The following DOCK5 variants were observed in gnomAD, a reference collection of about 807,000 sequenced individuals.
DOCK5 encodes dedicator of cytokinesis protein 5.
In DOCK5, 142 loss-of-function variants were observed where a neutral mutation model predicts 251.8. The observed-to-expected ratio is 0.56, with a 90% CI of 0.49 to 0.65. DOCK5 has a LOEUF of 0.65. DOCK5 is among the 30% of genes least tolerant of loss of function. The pLI is 0.00. For missense variants in DOCK5, 2,111 were observed against 2,312.3 expected (o/e 0.91, Z 1.79); for synonymous variants, 842 against 835.5 (o/e 1.01, Z -0.13).
chr8:25,302,349 C>A lies in DOCK5; in HGVS notation c.871C>A (p.Arg291=). The change falls in exon 10 of 52, where the codon CGG becomes AGG. Residue 291 remains arginine (R), a synonymous_variant. Transcript: ENST00000276440. ...GGACCTTAGCAGCATGGACCTCATC[C>A]GGCCCCGCGTCAGCCTTGTGTGCCA... ...FTDLSSMDLI[R]PRVSLVCQIV... 1.9e-6 allele frequency: 3 copies of A among 1,612,764 alleles called. No individual in the cohort carries two copies. Among genetic ancestry groups the A allele is most frequent in the Non-Finnish European group, 2.5e-6 (3 of 1,179,326 alleles).
At chr8:25,206,561 T>C (rs1203273325) in intron 1 of DOCK5, among the ~76,000 whole-genome samples, 7 of 152,160 alleles carry the variant, frequency 4.6e-5, no homozygotes, top group Non-Finnish European at 1.0e-4. Context: ...GGCTAGTTCC[T>C]ACATGACAAA....
intron 22 of DOCK5, 46 bp downstream of exon 22, chr8:25,336,419 C>G (rs1417733989): frequency 1.9e-6 from 3 of 1,600,648 alleles, no homozygotes; most frequent in East Asian, 2.2e-5. Flanking sequence ...AGCTGTCACT[C>G]TGTGTGCTTT....
intron 11 of DOCK5, among the ~76,000 whole-genome samples, chr8:25,306,493 T>C (rs1302659284): frequency 1.3e-5 from 2 of 151,964 alleles, no homozygotes; most frequent in East Asian, 1.9e-4. Flanking sequence ...GATCACAAGG[T>C]CAGGAGATCG....
intron 40 of DOCK5, among the ~76,000 whole-genome samples, chr8:25,387,696 C>T (rs989859263): frequency 3.9e-5 from 6 of 152,226 alleles, no homozygotes; most frequent in Non-Finnish European, 7.3e-5. Context: ...TTCTTCCAGT[C>T]CAAGCTCATT....
chr8:25,271,822 A>G (rs1196211653), intron 3 of DOCK5, among the ~76,000 whole-genome samples: 1 of 152,072 alleles, frequency 6.6e-6, no homozygotes, highest in Admixed American at 6.6e-5. Context: ...ACCTAGGTTT[A>G]CTCTGACTTT....
chr8:25,213,257 G>A (rs941872424), intron 1 of DOCK5, among the ~76,000 whole-genome samples: 25 of 151,482 alleles, frequency 1.7e-4, no homozygotes, highest in African/African-American at 6.1e-4. Flanking sequence ...AGGATGGGCC[G>A]CAGTGACTTC....
intron 17 of DOCK5, among the ~76,000 whole-genome samples, chr8:25,324,833 T>TC (rs1157742500): frequency 7.2e-6 from 1 of 139,698 alleles, no homozygotes; most frequent in Non-Finnish European, 1.5e-5. Flanking sequence ...TGTGTGATGT[T>TC]CCCCTTCCTG....
chr8:25,225,168 T>C (rs77128480), intron 1 of DOCK5, among the ~76,000 whole-genome samples: 13,766 of 152,238 alleles, frequency 0.09, 1,725 homozygotes, highest in African/African-American at 0.29. Context: ...AATGGTGCAG[T>C]CCCTATGGAA....
At position 25,372,635 on chromosome 8, in the gene DOCK5, T is replaced by C. The variant is rs1375738548; in HGVS notation, c.3601T>C (p.Leu1201=). 1 of 1,609,664 alleles carries C rather than the reference T, an allele frequency of 6.2e-7. No individual in the cohort carries two copies. Among genetic ancestry groups the C allele is most frequent in the East Asian group, 2.2e-5 (1 of 44,712 alleles). Residue 1201 remains leucine (L), a synonymous_variant, in exon 35 of 52, where the codon TTA becomes CTA. Transcript: ENST00000276440. The part of the protein sequence containing the change: ...EVFALLVSSL[L]ENLLDYRTII... ...CTTCGCCCTCCTGGTCAGCAGCCTC[T>C]TAGAGAACCTGCTGGACTATAGAAC...
chr8:25,287,502 A>C (rs1019221755), intron 5 of DOCK5, among the ~76,000 whole-genome samples: 2 of 152,190 alleles, frequency 1.3e-5, no homozygotes, highest in African/African-American at 4.8e-5. Context: ...CAAGTAGAAG[A>C]GGGAGAAATT....
intron 5 of DOCK5, among the ~76,000 whole-genome samples, chr8:25,288,712 A>C (rs1804407483): frequency 6.6e-6 from 1 of 152,252 alleles, no homozygotes; most frequent in African/African-American, 2.4e-5. Context: ...GCAGTTTTGA[A>C]AAGCAAAAAC....
At chr8:25,202,902 T>C (rs1257077776) in intron 1 of DOCK5, among the ~76,000 whole-genome samples, 1 of 152,214 alleles carries the variant, frequency 6.6e-6, no homozygotes, top group African/African-American at 2.4e-5. Flanking sequence ...TTTTATTTAA[T>C]ATTTTTGGAC....
In DOCK5 at chr8:25,390,152, T is replaced by C. The variant is rs1028678056; in HGVS notation, c.4274-54T>C. ...AAGCAGGAGGAACAGGGGTGTTTGG[T>C]GTCTGACACCTTCACGACCCCAGCC... On this transcript the variant is annotated intron_variant, in intron 41 of 51. Transcript: ENST00000276440. 2.7e-6 allele frequency: 4 copies of C among 1,471,804 alleles called. No individual in the cohort carries two copies. In the Admixed American group the frequency reaches 8.5e-5, roughly 31 times the overall value. The allele number at this position is 1,471,804 out of a possible 1,614,324, so 91.2% of individuals were successfully genotyped here.
chr8:25,411,196 C>A lies in DOCK5; in HGVS notation c.5511C>A (p.Leu1837=). ...ATTTTGTGTTTCTGCTTCTGCAGCTCGCTCCCCCACTGCCTGTCCGAAGAG... is the reference window on the plus strand; with the variant it reads ...ATTTTGTGTTTCTGCTTCTGCAGCTAGCTCCCCCACTGCCTGTCCGAAGAG... ...YEGSQRNSTE[L]APPLPVRREA... is the part of the protein sequence containing the mutation. The change falls in exon 52 of 52, where the codon CTC becomes CTA. Residue 1837 remains leucine (L), a splice_region_variant and synonymous_variant. Coordinates refer to ENST00000276440, the MANE Select transcript of DOCK5 (RefSeq NM_024940.8). 1 of 1,563,976 alleles carries A rather than the reference C, an allele frequency of 6.4e-7. No individual in the cohort carries two copies. The highest frequency in any genetic ancestry group is 1.9e-5 in the Admixed American group (1 of 52,552).
chr8:25,217,338 C>T lies in DOCK5; in HGVS notation c.44-26336C>T, dbSNP rs182409958. 7.0e-3 allele frequency among the ~76,000 whole-genome samples: 1,056 copies of T among 151,798 alleles called. 14 individuals are homozygous for T. The highest frequency in any genetic ancestry group is 7.8e-3 in the Non-Finnish European group (529 of 67,922). ...TTTTTAAAACTAGTTTGTATTTAAA[C>T]AATTAATTATACTGATGATCTCTGG... On this transcript the variant is annotated intron_variant, in intron 1 of 51. Transcript: ENST00000276440.
At chr8:25,346,667 T>C (rs1800373842) in intron 26 of DOCK5, among the ~76,000 whole-genome samples, 1 of 126,538 alleles carries the variant, frequency 7.9e-6, no homozygotes, top group South Asian at 2.9e-4. Flanking sequence ...CTACTAAAAA[T>C]ACCAAAATTA....
chr8:25,185,545 G>C lies in DOCK5; in HGVS notation c.43+594G>C, dbSNP rs1436516223. 2.0e-5 allele frequency among the ~76,000 whole-genome samples: 3 copies of C among 152,158 alleles called. No homozygotes were observed. In the East Asian group the frequency reaches 5.8e-4, roughly 29 times the overall value. On this transcript the variant is annotated intron_variant, in intron 1 of 51. Transcript: ENST00000276440. ...AGTGATGGAAGGGACAGGAAGTTGT[G>C]GCACGGGAAGGGGGTGGCTGGCCCC...
chr8:25,242,588 G>C (rs1050736864), intron 1 of DOCK5, among the ~76,000 whole-genome samples: 1 of 152,110 alleles, frequency 6.6e-6, no homozygotes, highest in Non-Finnish European at 1.5e-5. Context: ...ACATCTCTTC[G>C]TGTGCCTGTT....
At chr8:25,379,323 A>G (rs1459967499) in intron 38 of DOCK5, among the ~76,000 whole-genome samples, 1 of 100,570 alleles carries the variant, frequency 9.9e-6, no homozygotes, top group Non-Finnish European at 2.0e-5. Context: ...CCTCCCCCCA[A>G]GGAATGCATT....
Sources: gnomAD v4.1 joint callset for allele counts (sites outside exome capture counted in the v4.1 genomes callset) on GRCh38, gnomAD v4.1.1 for gene constraint, MANE v1.5 for transcripts, NCBI Gene and HGNC (gene_info 2026-07-23, HGNC 2026-07-21) for gene names.